The following STK10 variants were observed in gnomAD, a reference collection of about 807,000 sequenced individuals.
STK10 encodes serine/threonine-protein kinase 10.
STK10 carries 78 observed loss-of-function variants against 113.8 expected under a neutral mutation model. The ratio of observed to expected loss-of-function variants is 0.69; its 90% CI spans 0.57 to 0.83. STK10 has a LOEUF of 0.83. Among genes scored for constraint, STK10 ranks in the 40% least tolerant of loss-of-function variants. STK10 has a pLI of 0.00. For synonymous variants in STK10, 465 were observed against 494.7 expected, an observed-to-expected ratio of 0.94 and a Z score of 0.80; for missense variants, 1,109 against 1,280.1, an observed-to-expected ratio of 0.87 and a Z score of 2.04.
chr5:172,089,689 G>A lies in STK10; in HGVS notation c.1685+543C>T, dbSNP rs570239571. Among the ~76,000 whole-genome samples, 5 of 152,184 alleles carry A rather than the reference G, an allele frequency of 3.3e-5. No homozygotes were observed. In the South Asian group the frequency reaches 1.0e-3, roughly 32 times the overall value. Reference sequence around the variant, plus strand: ...GGAATGGTGAGTGAGTAGAAGGATGGGTGGATTGTTAGGTGGATAGATGGA... The same window carrying A: ...GGAATGGTGAGTGAGTAGAAGGATGAGTGGATTGTTAGGTGGATAGATGGA... On this transcript the variant is annotated intron_variant, in intron 10 of 18. Coordinates refer to ENST00000176763, the MANE Select transcript of STK10 (RefSeq NM_005990.4).
At chr5:172,175,651 C>A (rs755326394) in intron 1 of STK10, among the ~76,000 whole-genome samples, 1 of 152,168 alleles carries the variant, frequency 6.6e-6, no homozygotes, top group Non-Finnish European at 1.5e-5. Context: ...AGCTGAGGCA[C>A]GCTTGCAAAG....
intron 3 of STK10, among the ~76,000 whole-genome samples, chr5:172,122,303 T>C (rs1769528163): frequency 6.6e-6 from 1 of 152,182 alleles, no homozygotes; most frequent in African/African-American, 2.4e-5. Context: ...AGATACAAAA[T>C]CCATCCACCA....
chr5:172,089,673 A>G (rs1179104486), intron 10 of STK10, among the ~76,000 whole-genome samples: 1 of 151,906 alleles, frequency 6.6e-6, no homozygotes, highest in African/African-American at 2.4e-5. Flanking sequence ...TGGAATGGTG[A>G]GTGAGTAGAA....
intron 4 of STK10, among the ~76,000 whole-genome samples, chr5:172,116,067 T>G (rs1051204335): frequency 1.3e-5 from 2 of 152,092 alleles, no homozygotes; most frequent in Admixed American, 1.3e-4. Context: ...TGTTGTTTGT[T>G]TTTTTGTTTT....
intron 7 of STK10, among the ~76,000 whole-genome samples, chr5:172,097,246 G>C (rs1042409747): frequency 5.9e-5 from 9 of 152,144 alleles, no homozygotes; most frequent in Non-Finnish European, 1.2e-4. Context: ...CACCATGTTG[G>C]CCAGGCTGGT....
At chr5:172,083,638 T>C (rs1768482961) in intron 10 of STK10, among the ~76,000 whole-genome samples, 1 of 152,202 alleles carries the variant, frequency 6.6e-6, no homozygotes, top group Non-Finnish European at 1.5e-5. Flanking sequence ...CTGGGTGTGG[T>C]GGCTCACACC....
intron 2 of STK10, among the ~76,000 whole-genome samples, chr5:172,143,549 T>A (rs78803781): frequency 6.6e-6 from 1 of 152,184 alleles, no homozygotes; most frequent in East Asian, 1.9e-4. Flanking sequence ...TTAGCAAAAC[T>A]CCTAGAACTC....
At chr5:172,106,851 T>C in intron 5 of STK10, 37 bp from the exon 6 acceptor site, 1 of 1,580,698 alleles carries the variant, frequency 6.3e-7, no homozygotes. Flanking sequence ...GCTAAGAATC[T>C]GGCCTTTACA....
chr5:172,045,063 CA>C, intron 18 of STK10, 41 bp from the exon 19 acceptor site: 1 of 1,607,604 alleles, frequency 6.2e-7, no homozygotes, highest in Non-Finnish European at 8.5e-7. Context: ...GTGAGATCTG[CA>C]GGCCACACGT....
chr5:172,161,764 G>A (rs534883315), intron 1 of STK10, among the ~76,000 whole-genome samples: 5 of 152,252 alleles, frequency 3.3e-5, no homozygotes, highest in African/African-American at 1.2e-4. Context: ...GACAGATGAG[G>A]AGACCGATCC....
At chr5:172,138,931 G>A (rs1218271339) in intron 2 of STK10, among the ~76,000 whole-genome samples, 1 of 152,094 alleles carries the variant, frequency 6.6e-6, no homozygotes, top group African/African-American at 2.4e-5. Flanking sequence ...GGAGAATGGT[G>A]TGAACCCAGG....
At chr5:172,169,552 T>C (rs986170215) in intron 1 of STK10, among the ~76,000 whole-genome samples, 3 of 151,988 alleles carry the variant, frequency 2.0e-5, no homozygotes, top group African/African-American at 7.3e-5. Context: ...GACAGATGCA[T>C]GGGAGAGTGA....
intron 18 of STK10, chr5:172,045,331 A>C: frequency 1.9e-6 from 1 of 530,288 alleles, no homozygotes; most frequent in Non-Finnish European, 3.6e-6. Flanking sequence ...AAACAGCCAA[A>C]TGACTGGAGA....
intron 10 of STK10, among the ~76,000 whole-genome samples, chr5:172,088,918 AG>A (rs1768628621): frequency 6.6e-6 from 1 of 152,218 alleles, no homozygotes; most frequent in African/African-American, 2.4e-5. Flanking sequence ...AGCTGATCCT[AG>A]CAAACAGCTT....
rs9313576 is a variant in STK10 at position 172,132,024 on chromosome 5, G to A, written c.322-4603C>T. 2.2e-3 allele frequency among the ~76,000 whole-genome samples: 329 copies of A among 152,328 alleles called. 4 individuals carry two copies. The highest frequency in any genetic ancestry group is 7.6e-3 in the African/African-American group (315 of 41,568). ...GATGGCAAGAAGGCCCTCGCCAGAT[G>A]CAGGGCCCTCAACCTTGGACTTCCC... On this transcript the variant is annotated intron_variant, in intron 2 of 18. Transcript: ENST00000176763.
chr5:172,157,139 G>A (rs750296434), intron 1 of STK10, among the ~76,000 whole-genome samples: 4 of 152,156 alleles, frequency 2.6e-5, no homozygotes, highest in African/African-American at 4.8e-5. Flanking sequence ...GGAAAACTAC[G>A]CCTTCATACA....
At chr5:172,046,223 G>T (rs898782859) in intron 18 of STK10, among the ~76,000 whole-genome samples, 36 of 151,648 alleles carry the variant, frequency 2.4e-4, no homozygotes, top group Admixed American at 6.6e-4. Context: ...AGCCAGGTCT[G>T]GTAGTGTGTG....
chr5:172,175,827 C>CA (rs1290330708), intron 1 of STK10, among the ~76,000 whole-genome samples: 2 of 151,950 alleles, frequency 1.3e-5, no homozygotes, highest in Non-Finnish European at 2.9e-5. Context: ...CCAGCCCTGC[C>CA]AAAAAAAAGC....
chr5:172,136,044 A>C lies in STK10; in HGVS notation c.322-8623T>G, dbSNP rs564666469. On this transcript the variant is annotated intron_variant, in intron 2 of 18. Transcript: ENST00000176763. Reference sequence around the variant, plus strand: ...TCTGTCTCAAAATAAATAAATAAACAAACAAACAAAAGAAAGAAAAAGAAA... The same window carrying C: ...TCTGTCTCAAAATAAATAAATAAACCAACAAACAAAAGAAAGAAAAAGAAA... Among the ~76,000 whole-genome samples the C allele has an allele frequency of 1.2e-4, 18 of 152,198 alleles. No individual in the cohort carries two copies. The East Asian group carries it at 3.5e-3, about 29-fold the overall frequency.
Sources: gnomAD v4.1 joint callset for allele counts (sites outside exome capture counted in the v4.1 genomes callset) on GRCh38, gnomAD v4.1.1 for gene constraint, MANE v1.5 for transcripts, NCBI Gene and HGNC (gene_info 2026-07-23, HGNC 2026-07-21) for gene names.